The following TDRKH variants were observed in gnomAD, a reference collection of about 807,000 sequenced individuals.
TDRKH encodes tudor and KH domain containing.
TDRKH carries 28 observed loss-of-function variants against 61.3 expected under a neutral mutation model. The observed-to-expected ratio is 0.46, with a 90% CI of 0.34 to 0.63. The LOEUF (loss-of-function observed/expected upper bound fraction) is 0.63, where lower values mean the gene tolerates loss of function less well. Among genes scored for constraint, TDRKH ranks in the 20% least tolerant of loss-of-function variants. The pLI is 0.01. For synonymous variants in TDRKH, 219 were observed against 244.4 expected, an observed-to-expected ratio of 0.90 and a Z score of 0.97; for missense variants, 540 against 683.4, an observed-to-expected ratio of 0.79 and a Z score of 2.34.
intron 1 of TDRKH, among the ~76,000 whole-genome samples, chr1:151,785,347 C>A (rs1650214665): frequency 6.6e-6 from 1 of 152,162 alleles, no homozygotes; most frequent in South Asian, 2.1e-4. Flanking sequence ...CACTTTTTCT[C>A]TTTGCAGTTC....
At chr1:151,772,817 G>C (rs1648799685), downstream of TDRKH, among the ~76,000 whole-genome samples, 1 of 152,132 alleles carries the variant, frequency 6.6e-6, no homozygotes, top group Non-Finnish European at 1.5e-5. Context: ...CTTAATCTGG[G>C]CCTTTTCTTT....
At chr1:151,776,729 G>T (rs1475055772) in intron 6 of TDRKH, 130 bp from the exon 7 acceptor site, 3 of 1,013,044 alleles carry the variant, frequency 3.0e-6, no homozygotes, top group Non-Finnish European at 4.3e-6. Flanking sequence ...AGAGGCAACT[G>T]GATGAATCAA....
chr1:151,786,378 T>C (rs957520805), intron 1 of TDRKH, among the ~76,000 whole-genome samples: 44 of 152,194 alleles, frequency 2.9e-4, no homozygotes, highest in African/African-American at 1.0e-3. Flanking sequence ...GCGGGTAGCA[T>C]ATACAGCATG....
downstream of TDRKH, among the ~76,000 whole-genome samples, chr1:151,772,264 C>A (rs1216501122): frequency 4.3e-5 from 1 of 23,416 alleles, no homozygotes; most frequent in Non-Finnish European, 8.6e-5. Flanking sequence ...CCATGCCTGG[C>A]TAATTTTTTT....
downstream of TDRKH, chr1:151,767,425 A>G (rs1042332602): frequency 6.7e-7 from 1 of 1,485,382 alleles, no homozygotes; most frequent in Non-Finnish European, 8.9e-7. Flanking sequence ...CGCATGTGTA[A>G]AAGCTACTTG....
chr1:151,783,352 T>A, intron 1 of TDRKH, among the ~76,000 whole-genome samples: 2 of 152,356 alleles, frequency 1.3e-5, no homozygotes, highest in Middle Eastern at 3.4e-3. Context: ...AGATTTCATA[T>A]TAAATTATTT....
At position 151,776,598 on chromosome 1, in the gene TDRKH, G is replaced by C; in HGVS notation, c.885C>G (p.Ile295Met). ...QAIPEMPMFE[I>M]PSPDFSFHAD... ...CATGAAAACTGAAGTCAGGACTGGG[G>C]ACTGAACACAGAGATAAGGATGGTG... The change falls in exon 7 of 13, where the codon ATC (isoleucine) becomes ATG (methionine). Residue 295 changes from isoleucine (I) to methionine (M), a missense_variant and splice_region_variant. Ile to Met is a conservative substitution (Grantham distance 10, BLOSUM62 1). Transcript: ENST00000368824. The C allele has an allele frequency of 1.2e-6, 2 of 1,613,992 alleles. No homozygotes were observed. Among genetic ancestry groups the C allele is most frequent in the South Asian group, 2.2e-5 (2 of 91,044 alleles).
chr1:151,779,696 A>G (rs1298966144), intron 4 of TDRKH: 3 of 420,914 alleles, frequency 7.1e-6, no homozygotes, highest in African/African-American at 2.0e-5. Context: ...TTAAAAATCA[A>G]TTATAAGGTA....
chr1:151,775,174 G>T lies in TDRKH; in HGVS notation c.1435-8C>A. On this transcript the variant is annotated splice_region_variant and splice_polypyrimidine_tract_variant and intron_variant, in intron 10 of 12. Coordinates refer to ENST00000368824, the MANE Select transcript of TDRKH (RefSeq NM_001083965.2). The stretch of plus-strand genomic sequence containing the variant: ...TAGCCCAATATCAAGTTTCTGAGAA[G>T]AAAAATGAAAAGGGAATGATGTTCT... 1 of 1,613,390 alleles carries T rather than the reference G, an allele frequency of 6.2e-7. No individual in the cohort carries two copies. Among genetic ancestry groups the T allele is most frequent in the Non-Finnish European group, 8.5e-7 (1 of 1,179,650 alleles).
intron 1 of TDRKH, among the ~76,000 whole-genome samples, chr1:151,788,074 A>G (rs1650515398): frequency 6.6e-6 from 1 of 152,192 alleles, no homozygotes; most frequent in Non-Finnish European, 1.5e-5. Context: ...ATGAGCATCT[A>G]TGGATTTGGG....
In TDRKH at chr1:151,778,648, T is replaced by A. The variant is rs747150883; in HGVS notation, c.883+37A>T. On this transcript the variant is annotated intron_variant, in intron 6 of 12. Transcript: ENST00000368824. ...TCCAATATCTAAGCCAGTATTTCTA[T>A]CTTCAATGATTAATGGGCTCCCTCT... 3.1e-6 allele frequency: 5 copies of A among 1,606,174 alleles called. No individual in the cohort carries two copies. The African/African-American group carries it at 6.7e-5, about 22-fold the overall frequency.
intron 1 of TDRKH, 100 bp from the exon 2 acceptor site, chr1:151,783,149 T>C (rs1649997642): frequency 9.4e-7 from 1 of 1,064,066 alleles, no homozygotes; most frequent in Admixed American, 3.2e-5. Context: ...AGACTACTAC[T>C]GCCTACCTTC....
downstream of TDRKH, chr1:151,768,268 T>C (rs967375602): frequency 5.7e-6 from 9 of 1,583,008 alleles, no homozygotes; most frequent in East Asian, 2.3e-5. Flanking sequence ...GGGGAGGGAA[T>C]AGGTAGGGGA....
At chr1:151,781,835 AC>A in intron 2 of TDRKH, 1 of 475,568 alleles carries the variant, frequency 2.1e-6, no homozygotes, top group East Asian at 4.1e-5. Flanking sequence ...TCTGCAATAA[AC>A]AGGTGCTGGG....
downstream of TDRKH, chr1:151,771,438 C>T (rs998238252): frequency 1.5e-5 from 17 of 1,138,048 alleles, no homozygotes; most frequent in Non-Finnish European, 1.6e-5. Flanking sequence ...ACCTGAACTA[C>T]GGAGGAAAGT....
intron 1 of TDRKH, among the ~76,000 whole-genome samples, chr1:151,785,921 C>T (rs1650269491): frequency 6.6e-6 from 1 of 151,970 alleles, no homozygotes; most frequent in Non-Finnish European, 1.5e-5. Flanking sequence ...TCTAGTAGAA[C>T]AAAGCAAGCT....
rs1648932888 is a variant in TDRKH, at chr1:151,774,236, G to A, written c.*216C>T. 3 of 572,676 alleles carry A rather than the reference G, an allele frequency of 5.2e-6. No individual in the cohort carries two copies. Among genetic ancestry groups the A allele is most frequent in the Non-Finnish European group, 9.2e-6 (3 of 325,540 alleles). The allele number at this position is 572,676 out of a possible 1,614,324, so 35.5% of individuals were successfully genotyped here. A position where few individuals can be genotyped will look rare whatever the true frequency, so the allele number is the denominator to read the frequency against. Reference sequence around the variant, plus strand: ...AATTCCTATGCCAAATCCTGCCAAAGACAGAAATACACAAAAAGCTTGAAA... The same window carrying A: ...AATTCCTATGCCAAATCCTGCCAAAAACAGAAATACACAAAAAGCTTGAAA... On this transcript the variant is annotated 3_prime_UTR_variant, in exon 13 of 13. Coordinates refer to ENST00000368824, the MANE Select transcript of TDRKH (RefSeq NM_001083965.2).
At chr1:151,786,959 C>T (rs1650370330) in intron 1 of TDRKH, among the ~76,000 whole-genome samples, 1 of 152,152 alleles carries the variant, frequency 6.6e-6, no homozygotes, top group South Asian at 2.1e-4. Flanking sequence ...TTATGAGGTT[C>T]TTTTCCCAAG....
chr1:151,779,246 C>T lies in TDRKH; in HGVS notation c.422-4G>A. 6.2e-7 allele frequency: 1 copy of T among 1,613,220 alleles called. No homozygotes were observed. The highest frequency in any genetic ancestry group is 8.5e-7 in the Non-Finnish European group (1 of 1,179,788). ...CGAATTGTCTCGCCGCCTCTCCCTACATTAAACAATATATAAAAACCTGCC... is the reference window on the plus strand; with the variant it reads ...CGAATTGTCTCGCCGCCTCTCCCTATATTAAACAATATATAAAAACCTGCC... On this transcript the variant is annotated splice_region_variant and splice_polypyrimidine_tract_variant and intron_variant, in intron 4 of 12. Coordinates refer to ENST00000368824, the MANE Select transcript of TDRKH (RefSeq NM_001083965.2).
Sources: allele counts gnomAD v4.1 joint callset (sites outside exome capture counted in the v4.1 genomes callset), GRCh38; gene constraint gnomAD v4.1.1; transcripts MANE v1.5; gene names NCBI Gene and HGNC (gene_info 2026-07-23, HGNC 2026-07-21).